Variants in FIGN observed in about 807,000 individuals in gnomAD.
FIGN encodes the protein fidgetin.
In FIGN, 11 loss-of-function variants were observed where a neutral mutation model predicts 51.3. The observed-to-expected ratio is 0.21, with a 90% CI of 0.13 to 0.35. The LOEUF is 0.35. Ranked by LOEUF, FIGN falls within the 10% of genes least tolerant of loss-of-function variation. FIGN has a pLI of 1.00. For missense variants in FIGN, 857 were observed against 943.6 expected, an observed-to-expected ratio of 0.91 and a Z score of 1.20; for synonymous variants, 407 against 363.2, an observed-to-expected ratio of 1.12 and a Z score of -1.37.
rs577874063 is a variant in FIGN at position 163,678,064 on chromosome 2, G to A, written c.25+56839C>T. 6.6e-5 allele frequency among the ~76,000 whole-genome samples: 10 copies of A among 152,206 alleles called. No individual in the cohort carries two copies. The South Asian group carries it at 1.9e-3, about 28-fold the overall frequency. ...TAACATCTTACATTACTTCAATATG[G>A]TGCATTAGCACAACCAATGAACCAA... is the stretch of plus-strand genomic sequence containing the variant. On this transcript the variant is annotated intron_variant, in intron 2 of 2. Transcript: ENST00000333129.
intron 2 of FIGN, among the ~76,000 whole-genome samples, chr2:163,650,090 G>T (rs1683447572): frequency 1.3e-5 from 2 of 152,002 alleles, no homozygotes; most frequent in Admixed American, 1.3e-4. Flanking sequence ...ATAGAGAAAG[G>T]CTTGAAATTT....
At chr2:163,717,184 C>T (rs1210801287) in intron 2 of FIGN, among the ~76,000 whole-genome samples, 2 of 152,128 alleles carry the variant, frequency 1.3e-5, no homozygotes, top group Admixed American at 1.3e-4. Context: ...CAAAGACTGA[C>T]TGATATGGCC....
chr2:163,688,871 A>G (rs1251380181), intron 2 of FIGN, among the ~76,000 whole-genome samples: 2 of 152,168 alleles, frequency 1.3e-5, no homozygotes, highest in African/African-American at 4.8e-5. Context: ...AGCACATCGG[A>G]TAATATACAA....
At position 163,695,544 on chromosome 2, in the gene FIGN, T is replaced by C. The variant is rs927325968; in HGVS notation, c.25+39359A>G. On this transcript the variant is annotated intron_variant, in intron 2 of 2. Coordinates refer to ENST00000333129, the MANE Select transcript of FIGN (RefSeq NM_018086.4). Reference sequence around the variant, plus strand: ...AATATCTTACACACACACACACACATATTTTAACTCATGTAACCATAAAAT... The same window carrying C: ...AATATCTTACACACACACACACACACATTTTAACTCATGTAACCATAAAAT... Among the ~76,000 whole-genome samples the C allele has an allele frequency of 1.2e-4, 19 of 152,022 alleles. No homozygotes were observed. The East Asian group carries it at 3.1e-3, about 25-fold the overall frequency.
chr2:163,725,259 TA>T (rs1684821939), intron 2 of FIGN, among the ~76,000 whole-genome samples: 1 of 151,944 alleles, frequency 6.6e-6, no homozygotes, highest in African/African-American at 2.4e-5. Context: ...AAAAATTTTT[TA>T]AAAAGAAAGA....
At chr2:163,618,583 C>T (rs1030081202) in intron 2 of FIGN, among the ~76,000 whole-genome samples, 4 of 151,822 alleles carry the variant, frequency 2.6e-5, no homozygotes, top group Non-Finnish European at 4.4e-5. Context: ...AAAAATCACT[C>T]GACTTTATGT....
Position 163,726,899 on chromosome 2 carries a change from T to G in FIGN, c.25+8004A>C, listed in dbSNP as rs560272274. On this transcript the variant is annotated intron_variant, in intron 2 of 2. Coordinates refer to ENST00000333129, the MANE Select transcript of FIGN (RefSeq NM_018086.4). Reference sequence around the variant, plus strand: ...ATTAAGCATAAAAGAATAATAGTACTGTTTATTTCATAGTATTTGTTTGAT... The same window carrying G: ...ATTAAGCATAAAAGAATAATAGTACGGTTTATTTCATAGTATTTGTTTGAT... Among the ~76,000 whole-genome samples the G allele has an allele frequency of 1.1e-3, 160 of 152,236 alleles. 2 individuals carry two copies. The highest frequency in any genetic ancestry group is 2.7e-3 in the African/African-American group (112 of 41,578).
chr2:163,608,008 T>C lies in FIGN; in HGVS notation c.*1544A>G, dbSNP rs1691147589. On this transcript the variant is annotated 3_prime_UTR_variant, in exon 3 of 3. Coordinates refer to ENST00000333129, the MANE Select transcript of FIGN (RefSeq NM_018086.4). Reference sequence around the variant, plus strand: ...AGACTGAGGTGGAAGTAAGCACAAATGCTGATGTCTTTGGAAACTAGATTT... The same window carrying C: ...AGACTGAGGTGGAAGTAAGCACAAACGCTGATGTCTTTGGAAACTAGATTT... 1 of 152,600 alleles carries C rather than the reference T, an allele frequency of 6.6e-6. No individual in the cohort carries two copies. The highest frequency in any genetic ancestry group is 2.1e-4 in the South Asian group (1 of 4,830). 9.5% of individuals were successfully genotyped at this position (152,600 alleles called of 1,614,324 possible).
At chr2:163,720,291 TTTC>T (rs1469835103) in intron 2 of FIGN, among the ~76,000 whole-genome samples, 15 of 152,212 alleles carry the variant, frequency 9.9e-5, no homozygotes, top group Admixed American at 9.8e-4. Context: ...AGATGCTACA[TTTC>T]TTCAAGGACA....
At chr2:163,673,732 A>G (rs1420025889) in intron 2 of FIGN, among the ~76,000 whole-genome samples, 1 of 152,140 alleles carries the variant, frequency 6.6e-6, no homozygotes, top group Non-Finnish European at 1.5e-5. Context: ...TCATGGCCCT[A>G]CACAGTGTAG....
At chr2:163,672,285 T>TA (rs1470376116) in intron 2 of FIGN, among the ~76,000 whole-genome samples, 5 of 152,102 alleles carry the variant, frequency 3.3e-5, no homozygotes, top group Non-Finnish European at 7.4e-5. Context: ...TTGATTTTGT[T>TA]AAAAGAAGAA....
chr2:163,682,152 CAAACA>C (rs373142790), intron 2 of FIGN, among the ~76,000 whole-genome samples: 6 of 152,042 alleles, frequency 3.9e-5, no homozygotes, highest in African/African-American at 1.2e-4. Context: ...AACAAACAAA[CAAACA>C]AAACAAAACA....
chr2:163,703,738 A>G (rs1684446490), intron 2 of FIGN, among the ~76,000 whole-genome samples: 1 of 152,106 alleles, frequency 6.6e-6, no homozygotes, highest in Non-Finnish European at 1.5e-5. Context: ...ATATATGGGC[A>G]CTGTGTTATG....
intron 2 of FIGN, among the ~76,000 whole-genome samples, chr2:163,728,186 AC>A (rs1443327964): frequency 2.0e-5 from 3 of 151,862 alleles, no homozygotes; most frequent in Non-Finnish European, 4.4e-5. Flanking sequence ...CCTTCCTGTC[AC>A]TCAATGAGCA....
rs951521572 is a variant in FIGN at position 163,605,191 on chromosome 2, G to A, written c.*4361C>T. 6.6e-6 allele frequency: 1 copy of A among 151,804 alleles called. No homozygotes were observed. Among genetic ancestry groups the A allele is most frequent in the Non-Finnish European group, 1.5e-5 (1 of 67,940 alleles). The allele number at this position is 151,804 out of a possible 1,614,324, so 9.4% of individuals were successfully genotyped here. On this transcript the variant is annotated 3_prime_UTR_variant, in exon 3 of 3. Coordinates refer to ENST00000333129, the MANE Select transcript of FIGN (RefSeq NM_018086.4). ...CAGTGCCTAGTGCTACACTGCTTGT[G>A]TTGTATTTAAAAACAGGGGAAAGAG...
chr2:163,726,630 T>C (rs1393073960), intron 2 of FIGN, among the ~76,000 whole-genome samples: 1 of 152,026 alleles, frequency 6.6e-6, no homozygotes, highest in Non-Finnish European at 1.5e-5. Context: ...TAAATACTCA[T>C]AAAGGAATAC....
At chr2:163,707,246 G>A (rs1055656904) in intron 2 of FIGN, among the ~76,000 whole-genome samples, 4 of 152,098 alleles carry the variant, frequency 2.6e-5, no homozygotes, top group Non-Finnish European at 4.4e-5. Context: ...CTACTCGGGA[G>A]GCTGAGGCAT....
At chr2:163,677,259 G>C (rs998177094) in intron 2 of FIGN, among the ~76,000 whole-genome samples, 1 of 152,226 alleles carries the variant, frequency 6.6e-6, no homozygotes, top group Non-Finnish European at 1.5e-5. Flanking sequence ...TTGGGTTTCT[G>C]TGGATTCCTA....
rs187329102 is a variant in FIGN, at chr2:163,617,712, T to C, written c.26-5906A>G. ...CTGTAGAATAAGACCACTGGCAGCATTGCTTACATCATCACTTATTTATTC... is the reference window on the plus strand; with the variant it reads ...CTGTAGAATAAGACCACTGGCAGCACTGCTTACATCATCACTTATTTATTC... On this transcript the variant is annotated intron_variant, in intron 2 of 2. Transcript: ENST00000333129. Among the ~76,000 whole-genome samples the C allele has an allele frequency of 8.1e-4, 123 of 152,286 alleles. 2 individuals carry two copies. In the South Asian group the frequency reaches 0.019, roughly 24 times the overall value.
Sources: gnomAD v4.1 joint callset for allele counts (sites outside exome capture counted in the v4.1 genomes callset) on GRCh38, gnomAD v4.1.1 for gene constraint, MANE v1.5 for transcripts, NCBI Gene and HGNC (gene_info 2026-07-23, HGNC 2026-07-21) for gene names.